SLC24A2: variants seen among roughly 807,000 people sequenced by gnomAD.
The protein encoded by SLC24A2 is sodium/potassium/calcium exchanger 2.
SLC24A2 carries 36 observed loss-of-function variants against 62.0 expected under a neutral mutation model. The ratio of observed to expected loss-of-function variants is 0.58; its 90% CI spans 0.44 to 0.77. The LOEUF is 0.77. SLC24A2 is among the 30% of genes least tolerant of loss of function. SLC24A2 has a pLI of 0.00. For missense variants in SLC24A2, 846 were observed against 817.9 expected (o/e 1.03, Z -0.42); for synonymous variants, 358 against 294.0 (o/e 1.22, Z -2.23).
chr9:20,228,119 C>T, the SLC24A2 span, among the ~76,000 whole-genome samples: 1 of 152,152 alleles, frequency 6.6e-6, no homozygotes, highest in African/African-American at 2.4e-5. Flanking sequence ...AAAAATCCTT[C>T]ACTTGCATAT....
chr9:19,558,128 G>A (rs573205703), intron 7 of SLC24A2, among the ~76,000 whole-genome samples: 1 of 152,104 alleles, frequency 6.6e-6, no homozygotes, highest in African/African-American at 2.4e-5. Flanking sequence ...AAGCTGATAA[G>A]AAACATCTGA....
In SLC24A2 at chr9:19,785,964, C is replaced by G; in HGVS notation, c.903G>C (p.Lys301Asn). The change falls in exon 2 of 11, where the codon AAG becomes AAC. Residue 301 changes from lysine (K) to asparagine (N), a missense_variant. Coordinates refer to ENST00000341998, the MANE Select transcript of SLC24A2 (RefSeq NM_020344.4). Reference protein sequence around the residue: ...KQMINRNKVVKVTAPEAQAKP... With the variant: ...KQMINRNKVVNVTAPEAQAKP... The stretch of plus-strand genomic sequence containing the variant: ...TTGCTTGGGCTTCTGGTGCTGTCAC[C>G]TTGACGACCTTATTGCGGTTTATCA... 6.2e-7 allele frequency: 1 copy of G among 1,614,200 alleles called. No individual in the cohort carries two copies. Among genetic ancestry groups the G allele is most frequent in the African/African-American group, 1.3e-5 (1 of 75,052 alleles).
At chr9:19,938,039 G>A in the SLC24A2 span, among the ~76,000 whole-genome samples, 2 of 152,184 alleles carry the variant, frequency 1.3e-5, no homozygotes, top group Non-Finnish European at 2.9e-5. Context: ...TTTATTAATA[G>A]CATTAACTAT....
chr9:20,199,274 G>C, the SLC24A2 span, among the ~76,000 whole-genome samples: 1 of 152,178 alleles, frequency 6.6e-6, no homozygotes, highest in East Asian at 1.9e-4. Flanking sequence ...TCTGAGTCTA[G>C]GAACCAATAA....
At chr9:19,592,396 AG>A (rs1836579018) in intron 5 of SLC24A2, among the ~76,000 whole-genome samples, 1 of 148,372 alleles carries the variant, frequency 6.7e-6, no homozygotes, top group Non-Finnish European at 1.5e-5. Flanking sequence ...GTTAAATGGC[AG>A]AGAGTTTAGG....
the SLC24A2 span, among the ~76,000 whole-genome samples, chr9:20,186,727 C>T: frequency 6.6e-6 from 1 of 151,972 alleles, no homozygotes. Flanking sequence ...CCTATCTCCT[C>T]AAATTATATA....
the SLC24A2 span, among the ~76,000 whole-genome samples, chr9:20,005,631 G>A: frequency 6.6e-6 from 1 of 152,012 alleles, no homozygotes; most frequent in Non-Finnish European, 1.5e-5. Flanking sequence ...TCTAAAGGAT[G>A]AGGTGGGGTG....
intron 2 of SLC24A2, among the ~76,000 whole-genome samples, chr9:19,697,545 G>C (rs1283236288): frequency 6.6e-6 from 1 of 152,088 alleles, no homozygotes. Flanking sequence ...CTTTTTAATT[G>C]CATAAATAAG....
Position 19,515,650 on chromosome 9 carries a change from C to A in SLC24A2, c.*503G>T, listed in dbSNP as rs1832891339. The A allele has an allele frequency of 6.6e-6, 1 of 152,178 alleles. No homozygotes were observed. The highest frequency in any genetic ancestry group is 2.1e-4 in the South Asian group (1 of 4,800). 9.4% of individuals were successfully genotyped at this position (152,178 alleles called of 1,614,324 possible). A position where few individuals can be genotyped will look rare whatever the true frequency, so the allele number is the denominator to read the frequency against. ...AATAAGTACTATAAATATACTAGAG[C>A]TATCCCTGAAAAGATGCATTTGTAC... is the stretch of plus-strand genomic sequence containing the variant. On this transcript the variant is annotated 3_prime_UTR_variant, in exon 11 of 11. Coordinates refer to ENST00000341998, the MANE Select transcript of SLC24A2 (RefSeq NM_020344.4).
At chr9:19,553,688 CT>C (rs917442114) in intron 7 of SLC24A2, among the ~76,000 whole-genome samples, 11 of 152,198 alleles carry the variant, frequency 7.2e-5, no homozygotes, top group African/African-American at 2.7e-4. Flanking sequence ...GCTGTGATTC[CT>C]TGGGTAGTTA....
chr9:20,009,075 G>C, the SLC24A2 span, among the ~76,000 whole-genome samples: 1 of 152,132 alleles, frequency 6.6e-6, no homozygotes, highest in African/African-American at 2.4e-5. Flanking sequence ...AGCTAGCATA[G>C]TGCCATGCAC....
chr9:19,962,038 T>C, the SLC24A2 span, among the ~76,000 whole-genome samples: 1 of 152,236 alleles, frequency 6.6e-6, no homozygotes, highest in Non-Finnish European at 1.5e-5. Flanking sequence ...CAGTAATAGA[T>C]AGCTAATATA....
rs371284198 is a variant in SLC24A2 at position 19,722,842 on chromosome 9, A to G, written c.930+63095T>C. Among the ~76,000 whole-genome samples, 3 of 152,244 alleles carry G rather than the reference A, an allele frequency of 2.0e-5. No individual in the cohort carries two copies. The East Asian group carries it at 5.8e-4, about 29-fold the overall frequency. On this transcript the variant is annotated intron_variant, in intron 2 of 10. Transcript: ENST00000341998. Reference sequence around the variant, plus strand: ...CTGGGAAGGACAGGCAGAAGGAGAAATGTCAAAGAGTTTCTAGAGCATTTG... The same window carrying G: ...CTGGGAAGGACAGGCAGAAGGAGAAGTGTCAAAGAGTTTCTAGAGCATTTG...
intron 2 of SLC24A2, among the ~76,000 whole-genome samples, chr9:19,730,017 G>A (rs367562525): frequency 2.6e-5 from 4 of 151,868 alleles, no homozygotes; most frequent in East Asian, 3.9e-4. Context: ...AATTGAAAAC[G>A]TAAAATTAAA....
At chr9:19,863,893 A>T in the SLC24A2 span, among the ~76,000 whole-genome samples, 1 of 151,996 alleles carries the variant, frequency 6.6e-6, no homozygotes, top group Non-Finnish European at 1.5e-5. Context: ...AGATCAACGA[A>T]ACAAAAAGTT....
At chr9:19,701,005 C>G (rs754799861) in intron 2 of SLC24A2, among the ~76,000 whole-genome samples, 1 of 152,184 alleles carries the variant, frequency 6.6e-6, no homozygotes, top group Non-Finnish European at 1.5e-5. Context: ...TATACCCAAA[C>G]TTAAAAATTC....
At chr9:19,629,406 T>C (rs1818120624) in intron 2 of SLC24A2, among the ~76,000 whole-genome samples, 1 of 152,140 alleles carries the variant, frequency 6.6e-6, no homozygotes, top group South Asian at 2.1e-4. Context: ...ATGAAAGCTT[T>C]GATTTGTGTT....
chr9:19,753,808 G>A lies in SLC24A2; in HGVS notation c.930+32129C>T, dbSNP rs575401633. ...ATCCTGTGTCACCTGGATATGTATC[G>A]GACAGGGAGAGCACAGCAGTTCCTT... On this transcript the variant is annotated intron_variant, in intron 2 of 10. Coordinates refer to ENST00000341998, the MANE Select transcript of SLC24A2 (RefSeq NM_020344.4). 8.5e-5 allele frequency among the ~76,000 whole-genome samples: 13 copies of A among 152,102 alleles called. No homozygotes were observed. In the South Asian group the frequency reaches 2.5e-3, roughly 29 times the overall value.
the SLC24A2 span, among the ~76,000 whole-genome samples, chr9:20,297,551 G>A: frequency 6.6e-6 from 1 of 152,208 alleles, no homozygotes; most frequent in African/African-American, 2.4e-5. Flanking sequence ...CCAGATGGGT[G>A]GACCCACCTG....
Sources: allele counts gnomAD v4.1 joint callset (sites outside exome capture counted in the v4.1 genomes callset), GRCh38; gene constraint gnomAD v4.1.1; transcripts MANE v1.5; gene names NCBI Gene and HGNC (gene_info 2026-07-23, HGNC 2026-07-21).